The following KCNIP1 variants were observed in gnomAD, a reference collection of about 807,000 sequenced individuals.
KCNIP1 encodes A-type potassium channel modulatory protein KCNIP1.
In KCNIP1, 18 loss-of-function variants were observed where a neutral mutation model predicts 33.0. That is an observed-to-expected ratio of 0.55 (90% confidence interval 0.38 to 0.81). The LOEUF is 0.81. KCNIP1 is among the 30% of genes least tolerant of loss of function. KCNIP1 has a pLI of 0.00. For missense variants in KCNIP1, 238 were observed against 271.6 expected (o/e 0.88, Z 0.87); for synonymous variants, 93 against 98.3 (o/e 0.95, Z 0.32).
At chr5:170,601,409 G>A (rs543731659) in intron 1 of KCNIP1, among the ~76,000 whole-genome samples, 12 of 152,310 alleles carry the variant, frequency 7.9e-5, no homozygotes, top group Admixed American at 3.9e-4. Flanking sequence ...GGACTAGAAC[G>A]TCCCGGGAAA....
intron 1 of KCNIP1, among the ~76,000 whole-genome samples, chr5:170,600,531 G>A (rs140332108): frequency 6.6e-6 from 1 of 152,062 alleles, no homozygotes; most frequent in Non-Finnish European, 1.5e-5. Flanking sequence ...CCCATCCTCT[G>A]TGTGCCCACG....
intron 1 of KCNIP1, among the ~76,000 whole-genome samples, chr5:170,403,788 A>G (rs1754967177): frequency 6.6e-6 from 1 of 152,154 alleles, no homozygotes; most frequent in Non-Finnish European, 1.5e-5. Flanking sequence ...AGGCCTTTAC[A>G]CTCCAAATGC....
chr5:170,408,134 G>T (rs10051800), intron 1 of KCNIP1, among the ~76,000 whole-genome samples: 1 of 152,046 alleles, frequency 6.6e-6, no homozygotes. Context: ...TTGTCATTTG[G>T]CTGTTAATGT....
chr5:170,492,273 A>G (rs1757222807), intron 1 of KCNIP1, among the ~76,000 whole-genome samples: 1 of 152,178 alleles, frequency 6.6e-6, no homozygotes, highest in African/African-American at 2.4e-5. Flanking sequence ...AACACACTTT[A>G]CTTATGTTTA....
intron 1 of KCNIP1, among the ~76,000 whole-genome samples, chr5:170,560,501 G>A (rs763892587): frequency 2.0e-5 from 3 of 152,028 alleles, no homozygotes; most frequent in Non-Finnish European, 2.9e-5. Flanking sequence ...CACAGGTCTC[G>A]GTTCTGGACT....
intron 1 of KCNIP1, chr5:170,484,345 C>G (rs1757038285): frequency 6.6e-6 from 1 of 152,278 alleles, no homozygotes; most frequent in Non-Finnish European, 1.5e-5. Flanking sequence ...GAAGAGCTCT[C>G]TCTGTGATAA....
chr5:170,545,514 C>A (rs1756378930), intron 1 of KCNIP1, among the ~76,000 whole-genome samples: 1 of 152,050 alleles, frequency 6.6e-6, no homozygotes, highest in Non-Finnish European at 1.5e-5. Flanking sequence ...GTATGTTAGA[C>A]CTTTGATAAT....
intron 1 of KCNIP1, among the ~76,000 whole-genome samples, chr5:170,432,546 T>C (rs1755768837): frequency 6.6e-6 from 1 of 152,136 alleles, no homozygotes; most frequent in South Asian, 2.1e-4. Context: ...GCCCATATAA[T>C]CAGAGAAGTT....
intron 1 of KCNIP1, among the ~76,000 whole-genome samples, chr5:170,367,837 A>G (rs1360918511): frequency 6.6e-6 from 1 of 152,136 alleles, no homozygotes; most frequent in Non-Finnish European, 1.5e-5. Flanking sequence ...CATCTAACCC[A>G]TTGACCCAGA....
At chr5:170,718,664 G>C in intron 1 of KCNIP1, 94 bp from the exon 2 acceptor site, 1 of 1,478,240 alleles carries the variant, frequency 6.8e-7, no homozygotes, top group South Asian at 1.2e-5. Context: ...CTAGATCCCA[G>C]GTCGTGACAC....
intron 1 of KCNIP1, among the ~76,000 whole-genome samples, chr5:170,660,260 A>G (rs1420243917): frequency 6.6e-6 from 1 of 152,086 alleles, no homozygotes; most frequent in Non-Finnish European, 1.5e-5. Flanking sequence ...CATGTTTCTC[A>G]TTGATTTCCA....
Position 170,733,911 on chromosome 5 carries a change from C to T in KCNIP1, c.603+13C>T, listed in dbSNP as rs759544678. 1 of 1,608,538 alleles carries T rather than the reference C, an allele frequency of 6.2e-7. No homozygotes were observed. ...ATCATGTCAGGAGGTAAGGAGAGAT[C>T]TCAGGGCACAATAACTCTACATCTG... On this transcript the variant is annotated intron_variant, in intron 7 of 7. Transcript: ENST00000328939.
At chr5:170,506,630 G>T (rs1427269771) in intron 1 of KCNIP1, among the ~76,000 whole-genome samples, 1 of 152,260 alleles carries the variant, frequency 6.6e-6, no homozygotes, top group East Asian at 1.9e-4. Flanking sequence ...CAGAAGAGGG[G>T]GTACTGGCAT....
chr5:170,636,825 C>T (rs959215321), intron 1 of KCNIP1, among the ~76,000 whole-genome samples: 25 of 152,140 alleles, frequency 1.6e-4, no homozygotes, highest in African/African-American at 6.0e-4. Context: ...ACATTACTGA[C>T]CACCCAATAA....
At chr5:170,472,335 C>T (rs1756748780) in intron 1 of KCNIP1, among the ~76,000 whole-genome samples, 1 of 152,208 alleles carries the variant, frequency 6.6e-6, no homozygotes, top group African/African-American at 2.4e-5. Flanking sequence ...GCTGGGGCGG[C>T]GCCTGCCCCA....
At chr5:170,654,677 CAAATCCACCTGTGGGT>C (rs1561744745) in intron 1 of KCNIP1, among the ~76,000 whole-genome samples, 1 of 152,198 alleles carries the variant, frequency 6.6e-6, no homozygotes, top group East Asian at 1.9e-4. Flanking sequence ...GGAAGTAGCT[CAAATCCACCTGTGGGT>C]AAATTAGGTT....
In KCNIP1 at chr5:170,723,596, C is replaced by T. The variant is rs149827236; in HGVS notation, c.435+776C>T. 6.0e-3 allele frequency among the ~76,000 whole-genome samples: 913 copies of T among 152,282 alleles called. 10 individuals are homozygous for T. The highest frequency in any genetic ancestry group is 0.037 in the South Asian group (178 of 4,822). On this transcript the variant is annotated intron_variant, in intron 5 of 7. Transcript: ENST00000328939. ...CTGTAAGCTCAGAGAGTTTATCCAA[C>T]TTTCATTCCTCATTCATTTAGTCAT...
intron 1 of KCNIP1, among the ~76,000 whole-genome samples, chr5:170,515,060 G>A (rs1382167050): frequency 6.6e-6 from 1 of 152,160 alleles, no homozygotes; most frequent in Non-Finnish European, 1.5e-5. Flanking sequence ...TGAGGCTTGG[G>A]AAGAAGTGAC....
chr5:170,726,302 C>T (rs1333669077), intron 5 of KCNIP1, among the ~76,000 whole-genome samples: 1 of 152,066 alleles, frequency 6.6e-6, no homozygotes, highest in South Asian at 2.1e-4. Flanking sequence ...TAAACAACTT[C>T]ATATAAAATA....
Sources: allele counts gnomAD v4.1 joint callset (sites outside exome capture counted in the v4.1 genomes callset), GRCh38; gene constraint gnomAD v4.1.1; transcripts MANE v1.5; gene names NCBI Gene and HGNC (gene_info 2026-07-23, HGNC 2026-07-21).